Variants in IDO2 observed in about 807,000 individuals in gnomAD.
IDO2 encodes the protein indoleamine 2,3-dioxygenase-like 1 protein.
In IDO2, 46 loss-of-function variants were observed where a neutral mutation model predicts 45.1. The ratio of observed to expected loss-of-function variants is 1.02; its 90% CI spans 0.80 to 1.30. The LOEUF is 1.30. Ranked by LOEUF, IDO2 falls within the 50% of genes most tolerant of loss-of-function variation. The pLI, the probability that IDO2 is intolerant of heterozygous loss-of-function variation, is 0.00. For missense variants in IDO2, 544 were observed against 491.8 expected, an observed-to-expected ratio of 1.11 and a Z score of -1.00; for synonymous variants, 218 against 184.9, an observed-to-expected ratio of 1.18 and a Z score of -1.45.
chr8:39,978,091 T>TG (rs1808288880), intron 3 of IDO2, among the ~76,000 whole-genome samples: 1 of 152,190 alleles, frequency 6.6e-6, no homozygotes. Context: ...AGCTCATTTT[T>TG]GGGAGGAAGA....
chr8:39,948,307 T>C (rs910573056), intron 1 of IDO2, among the ~76,000 whole-genome samples: 2 of 152,214 alleles, frequency 1.3e-5, no homozygotes, highest in Non-Finnish European at 2.9e-5. Flanking sequence ...CCTTCTGAGC[T>C]TCTGGCAGGC....
chr8:39,940,014 A>G (rs1276314960), intron 1 of IDO2, among the ~76,000 whole-genome samples: 1 of 149,010 alleles, frequency 6.7e-6, no homozygotes, highest in Non-Finnish European at 1.5e-5. Context: ...GTGCACTGGT[A>G]CTACTGTGAT....
intron 3 of IDO2, among the ~76,000 whole-genome samples, chr8:39,966,574 T>A (rs1431628342): frequency 6.6e-6 from 1 of 152,194 alleles, no homozygotes; most frequent in Non-Finnish European, 1.5e-5. Context: ...ACACAATAAG[T>A]GAATTTACAG....
At chr8:39,957,042 C>CAAAAAAAA (rs56064306) in intron 2 of IDO2, among the ~76,000 whole-genome samples, 8 of 31,324 alleles carry the variant, frequency 2.6e-4, no homozygotes, top group African/African-American at 4.6e-4. Flanking sequence ...GACTCCATCT[C>CAAAAAAAA]AAAAAAAAAA....
intron 2 of IDO2, among the ~76,000 whole-genome samples, chr8:39,951,774 G>A (rs1026406672): frequency 2.0e-5 from 3 of 152,170 alleles, no homozygotes; most frequent in Non-Finnish European, 4.4e-5. Context: ...CTCTTATTGG[G>A]ATTAAATGCG....
intron 10 of IDO2, among the ~76,000 whole-genome samples, chr8:40,014,384 C>T (rs1585424285): frequency 6.6e-6 from 1 of 152,152 alleles, no homozygotes; most frequent in South Asian, 2.1e-4. Flanking sequence ...TAATATTAAA[C>T]CCATAACGAA....
intron 1 of IDO2, among the ~76,000 whole-genome samples, chr8:39,937,502 T>TA (rs1448234503): frequency 6.6e-6 from 1 of 151,594 alleles, no homozygotes; most frequent in Non-Finnish European, 1.5e-5. Flanking sequence ...TATGAGAATT[T>TA]AAAACTACAC....
chr8:40,010,388 G>A (rs757092571), intron 9 of IDO2, among the ~76,000 whole-genome samples: 54 of 152,240 alleles, frequency 3.5e-4, no homozygotes, highest in African/African-American at 1.2e-3. Flanking sequence ...AGTAGAGACC[G>A]GATCATGTAG....
chr8:40,009,860 C>T (rs1409255852), intron 9 of IDO2, among the ~76,000 whole-genome samples: 1 of 152,140 alleles, frequency 6.6e-6, no homozygotes, highest in Non-Finnish European at 1.5e-5. Flanking sequence ...CTTTCAAGAA[C>T]TATGCTTGGG....
chr8:39,988,611 G>T (rs1022915891), intron 7 of IDO2, among the ~76,000 whole-genome samples: 3 of 152,000 alleles, frequency 2.0e-5, no homozygotes, highest in African/African-American at 4.8e-5. Flanking sequence ...TAGAGACAGG[G>T]TTTCACCATG....
intron 7 of IDO2, 113 bp downstream of exon 7, chr8:39,988,083 C>T (rs1293583869): frequency 1.4e-5 from 9 of 623,284 alleles, no homozygotes; most frequent in Non-Finnish European, 2.3e-5. Flanking sequence ...AGACCTTGTC[C>T]TGCTTAGTTC....
intron 1 of IDO2, among the ~76,000 whole-genome samples, chr8:39,943,460 G>A (rs559739181): frequency 1.3e-5 from 2 of 152,168 alleles, no homozygotes; most frequent in Non-Finnish European, 2.9e-5. Flanking sequence ...ATAGCTGGCC[G>A]GGCGCGGTGG....
chr8:39,983,254 T>C lies in IDO2; in HGVS notation c.434+484T>C, dbSNP rs1171082127. Among the ~76,000 whole-genome samples the C allele has an allele frequency of 2.6e-5, 4 of 152,236 alleles. No individual in the cohort carries two copies. In the East Asian group the frequency reaches 5.8e-4, roughly 22 times the overall value. On this transcript the variant is annotated intron_variant, in intron 5 of 10. Transcript: ENST00000502986. ...CAAAGTCACATCATTCCTTTGACAG[T>C]TGGGCTGGGAATAGGGGCATTTGTC...
intron 8 of IDO2, among the ~76,000 whole-genome samples, chr8:39,997,572 T>C (rs1030385353): frequency 2.6e-5 from 4 of 152,094 alleles, no homozygotes; most frequent in Non-Finnish European, 5.9e-5. Context: ...CCCAGGAGGC[T>C]GAGGTGGGAG....
At chr8:39,939,610 T>C (rs1807613581) in intron 1 of IDO2, among the ~76,000 whole-genome samples, 1 of 146,058 alleles carries the variant, frequency 6.8e-6, no homozygotes, top group Non-Finnish European at 1.5e-5. Flanking sequence ...AATTCCGTGA[T>C]TGCAGTCTTT....
intron 1 of IDO2, among the ~76,000 whole-genome samples, chr8:39,940,850 A>G (rs1024501440): frequency 6.6e-6 from 1 of 151,546 alleles, no homozygotes; most frequent in African/African-American, 2.4e-5. Context: ...TGATCATTAC[A>G]CATTGCATAC....
intron 2 of IDO2, among the ~76,000 whole-genome samples, chr8:39,962,506 T>C (rs973535750): frequency 6.6e-6 from 1 of 152,248 alleles, no homozygotes; most frequent in African/African-American, 2.4e-5. Context: ...TCATCTTTCA[T>C]CATCCTTTTG....
chr8:40,007,224 T>A (rs975574928), intron 9 of IDO2, among the ~76,000 whole-genome samples: 13 of 151,912 alleles, frequency 8.6e-5, no homozygotes, highest in Admixed American at 2.6e-4. Context: ...TGAAGCTGTG[T>A]CTGGATACAG....
At chr8:40,015,168 TA>T in intron 10 of IDO2, 78 bp from the exon 11 acceptor site, 2 of 841,040 alleles carry the variant, frequency 2.4e-6, no homozygotes, top group Non-Finnish European at 3.7e-6. Context: ...AAAAAAAAAA[TA>T]AAAAAGAAGA....
Sources: gnomAD v4.1 joint callset for allele counts (sites outside exome capture counted in the v4.1 genomes callset) on GRCh38, gnomAD v4.1.1 for gene constraint, MANE v1.5 for transcripts, NCBI Gene and HGNC (gene_info 2026-07-23, HGNC 2026-07-21) for gene names.